The following GRM2 variants were observed in gnomAD, a reference collection of about 807,000 sequenced individuals.
The protein encoded by GRM2 is glutamate metabotropic receptor 2.
In GRM2, 35 loss-of-function variants were observed where a neutral mutation model predicts 60.4. The ratio of observed to expected loss-of-function variants is 0.58; its 90% CI spans 0.44 to 0.77. The LOEUF (loss-of-function observed/expected upper bound fraction) is 0.77. GRM2 is among the 30% of genes least tolerant of loss of function. The pLI, the probability that GRM2 is intolerant of heterozygous loss-of-function variation, is 0.00. For missense variants in GRM2, 925 were observed against 1,199.5 expected, an observed-to-expected ratio of 0.77 and a Z score of 3.38; for synonymous variants, 437 against 484.1, an observed-to-expected ratio of 0.90 and a Z score of 1.28.
rs769218538 is a variant in GRM2 at position 51,715,979 on chromosome 3, G to A, written c.2206G>A (p.Val736Met). ...TATGTTGGGCTCGCTGGCCTACAATGTGCTCCTCATCGCGCTCTGCACGCT... is the reference window on the plus strand; with the variant it reads ...TATGTTGGGCTCGCTGGCCTACAATATGCTCCTCATCGCGCTCTGCACGCT... ...ASMLGSLAYN[V>M]LLIALCTLYA... The change falls in exon 4 of 6, where the codon GTG becomes ATG. Residue 736 changes from valine to methionine, a missense_variant. By Grantham distance (21) the Val-to-Met change is conservative (BLOSUM62 1). Coordinates refer to ENST00000395052, the MANE Select transcript of GRM2 (RefSeq NM_000839.5). The surrounding 1 kb of genome is among the most constrained non-coding windows in gnomAD (Gnocchi z 9.0). 3 of 1,614,180 alleles carry A rather than the reference G, an allele frequency of 1.9e-6. No homozygotes were observed. In the South Asian group the frequency reaches 3.3e-5, roughly 18 times the overall value.
At position 51,715,034 on chromosome 3, in the gene GRM2, C is replaced by A; in HGVS notation, c.1289-28C>A. On this transcript the variant is annotated intron_variant, in intron 3 of 5. Coordinates refer to ENST00000395052, the MANE Select transcript of GRM2 (RefSeq NM_000839.5). The surrounding 1 kb of genome is among the most constrained non-coding windows in gnomAD (Gnocchi z 9.0). The stretch of plus-strand genomic sequence containing the variant: ...CATCAGGGTAACACACTAGTCCAAC[C>A]TTCTCTTCCTTCCCTCCCCCATCCT... 7.0e-7 allele frequency: 1 copy of A among 1,422,012 alleles called. No individual in the cohort carries two copies. The highest frequency in any genetic ancestry group is 9.6e-7 in the Non-Finnish European group (1 of 1,038,512). 88.1% of individuals were successfully genotyped at this position (1,422,012 alleles called of 1,614,324 possible).
chr3:51,708,864 C>A lies in GRM2; in HGVS notation c.-120C>A. 2 of 726,398 alleles carry A rather than the reference C, an allele frequency of 2.8e-6. No individual in the cohort carries two copies. Among genetic ancestry groups the A allele is most frequent in the Non-Finnish European group, 4.3e-6 (2 of 460,638 alleles). 45.0% of individuals were successfully genotyped at this position (726,398 alleles called of 1,614,324 possible). ...TCTCTGCAGGAGCTGGGTCCCTTCG[C>A]ATCTCTCTTCTTGTCTGTCCTTTCC... On this transcript the variant is annotated 5_prime_UTR_variant, in exon 2 of 6. Transcript: ENST00000395052.
rs546631877 is a variant in GRM2 at position 51,712,222 on chromosome 3, G to A, written c.451-251G>A. Among the ~76,000 whole-genome samples the A allele has an allele frequency of 1.3e-5, 2 of 152,244 alleles. No individual in the cohort carries two copies. The highest frequency in any genetic ancestry group is 3.9e-4 in the East Asian group (2 of 5,174). On this transcript the variant is annotated intron_variant, in intron 2 of 5. Coordinates refer to ENST00000395052, the MANE Select transcript of GRM2 (RefSeq NM_000839.5). The surrounding 1 kb of genome is among the most constrained non-coding windows in gnomAD (Gnocchi z 5.3). Reference sequence around the variant, plus strand: ...ATGTGTCTAAAAGGGGATGGCAGAGGGGATCAGGTGTGGCTCATGACCCTG... The same window carrying A: ...ATGTGTCTAAAAGGGGATGGCAGAGAGGATCAGGTGTGGCTCATGACCCTG...
chr3:51,710,553 G>C (rs1448694363), intron 2 of GRM2, among the ~76,000 whole-genome samples: 1 of 152,152 alleles, frequency 6.6e-6, no homozygotes, highest in East Asian at 1.9e-4. Flanking sequence ...ATTGGAGAGG[G>C]GTGGCCAGAT....
chr3:51,712,981 C>T lies in GRM2; in HGVS notation c.959C>T (p.Ala320Val). Residue 320 changes from alanine to valine, a missense_variant, in exon 3 of 6, where the codon GCC becomes GTC. By Grantham distance (64) the Ala-to-Val change is moderately conservative. Coordinates refer to ENST00000395052, the MANE Select transcript of GRM2 (RefSeq NM_000839.5). This position sits in a 1 kb window ranked among gnomAD's most constrained non-coding sequence, Gnocchi z 5.3. ...GAGGGTGCTATCACCATCGAGCTGG[C>T]CTCCTACCCCATCAGTGACTTTGCC... is the stretch of plus-strand genomic sequence containing the variant. ...AAEGAITIEL[A>V]SYPISDFASY... 1.2e-6 allele frequency: 2 copies of T among 1,613,274 alleles called. No homozygotes were observed. Among genetic ancestry groups the T allele is most frequent in the Non-Finnish European group, 1.7e-6 (2 of 1,180,030 alleles).
At position 51,715,639 on chromosome 3, in the gene GRM2, C is replaced by T; in HGVS notation, c.1866C>T (p.Ile622=). The change falls in exon 4 of 6, where the codon ATC becomes ATT. Residue 622 remains isoleucine, a synonymous_variant. Transcript: ENST00000395052. This position sits in a 1 kb window ranked among gnomAD's most constrained non-coding sequence, Gnocchi z 9.0. ...TCCTCTGCTACTGCATGACCTTCAT[C>T]TTCATTGCCAAGCCATCCACGGCAG... is the stretch of plus-strand genomic sequence containing the variant. The part of the protein sequence containing the change: ...GVFLCYCMTF[I]FIAKPSTAVC... 1 of 1,614,260 alleles carries T rather than the reference C, an allele frequency of 6.2e-7. No individual in the cohort carries two copies. The highest frequency in any genetic ancestry group is 1.1e-5 in the South Asian group (1 of 91,082).
rs144973019 is a variant in GRM2 at position 51,718,099 on chromosome 3, C to A, written c.2606C>A (p.Thr869Lys). The A allele has an allele frequency of 1.2e-5, 19 of 1,613,854 alleles. No individual in the cohort carries two copies. Among genetic ancestry groups the A allele is most frequent in the Non-Finnish European group, 1.5e-5 (18 of 1,179,822 alleles). Residue 869 changes from threonine to lysine, a missense_variant, in exon 6 of 6, where the codon ACG becomes AAG. Coordinates refer to ENST00000395052, the MANE Select transcript of GRM2 (RefSeq NM_000839.5). This position sits in a 1 kb window ranked among gnomAD's most constrained non-coding sequence, Gnocchi z 4.2. The stretch of plus-strand genomic sequence containing the variant: ...GGCCGTGAGGTGGTGGACTCGACAA[C>A]GTCATCGCTTTGAAGACCCCATACT... ...CNGREVVDSTTSSL is the reference protein window; with the variant it reads ...CNGREVVDSTKSSL
At chr3:51,709,784 A>C (rs1703642624) in intron 2 of GRM2, among the ~76,000 whole-genome samples, 1 of 6,738 alleles carries the variant, frequency 1.5e-4, no homozygotes, top group Non-Finnish European at 4.0e-4. Flanking sequence ...CACCCCACAC[A>C]CCCACACACA....
rs1703539825 is a variant in GRM2 at position 51,707,139 on chromosome 3, TTC to T, written c.-160_-159del. On this transcript the variant is annotated 5_prime_UTR_variant, in exon 1 of 6. Coordinates refer to ENST00000395052, the MANE Select transcript of GRM2 (RefSeq NM_000839.5). ...CCTCGCGCCCCCCGCTCCACTCCGA[TTC>T]TCTCCGCGCCAGAGCCAGCGCGCCA... The T allele has an allele frequency of 6.6e-6, 1 of 152,298 alleles. No individual in the cohort carries two copies. Among genetic ancestry groups the T allele is most frequent in the Non-Finnish European group, 1.5e-5 (1 of 67,988 alleles). The allele number at this position is 152,298 out of a possible 1,614,324, so 9.4% of individuals were successfully genotyped here.
At position 51,712,955 on chromosome 3, in the gene GRM2, T is replaced by C. The variant is rs1703771332; in HGVS notation, c.933T>C (p.Ala311=). Residue 311 remains alanine, a synonymous_variant, in exon 3 of 6, where the codon GCT becomes GCC. Transcript: ENST00000395052. The surrounding 1 kb of genome is among the most constrained non-coding windows in gnomAD (Gnocchi z 5.3). ...ESVVAGSEGA[A]EGAITIELAS... ...TGGTGGCAGGCAGTGAGGGGGCTGC[T>C]GAGGGTGCTATCACCATCGAGCTGG... The C allele has an allele frequency of 5.0e-6, 8 of 1,613,110 alleles. No individual in the cohort carries two copies. Among genetic ancestry groups the C allele is most frequent in the Non-Finnish European group, 6.8e-6 (8 of 1,180,014 alleles).
In GRM2 at chr3:51,715,745, G is replaced by A. The variant is rs1481691100; in HGVS notation, c.1972G>A (p.Ala658Thr). ...CCTGCTCACCAAGACCAACCGCATT[G>A]CACGCATCTTCGGTGGGGCCCGGGA... is the stretch of plus-strand genomic sequence containing the variant. ...SALLTKTNRI[A>T]RIFGGAREGA... The change falls in exon 4 of 6, where the codon GCA becomes ACA. Residue 658 changes from alanine (A) to threonine (T), a missense_variant. Ala to Thr is a moderately conservative substitution (Grantham distance 58). Transcript: ENST00000395052. This position sits in a 1 kb window ranked among gnomAD's most constrained non-coding sequence, Gnocchi z 9.0. The A allele has an allele frequency of 8.7e-6, 14 of 1,614,018 alleles. 1 individual carries two copies. Among genetic ancestry groups the A allele is most frequent in the Middle Eastern group, 1.6e-4 (1 of 6,062 alleles).
At chr3:51,709,936 T>C (rs1313459101) in intron 2 of GRM2, among the ~76,000 whole-genome samples, 3 of 149,878 alleles carry the variant, frequency 2.0e-5, no homozygotes, top group Non-Finnish European at 4.4e-5. Context: ...TGGCACGTTA[T>C]TTCTCTTTTC....
At chr3:51,709,572 G>A in intron 2 of GRM2, 139 bp downstream of exon 2, 1 of 622,358 alleles carries the variant, frequency 1.6e-6, no homozygotes, top group Non-Finnish European at 2.8e-6. Context: ...TTTTACAGAA[G>A]CTAAGAAAGT....
chr3:51,714,848 G>T, intron 3 of GRM2: 2 of 436,104 alleles, frequency 4.6e-6, no homozygotes, highest in Non-Finnish European at 8.1e-6. Context: ...TAGGGTTGGG[G>T]TTTGATGTTG....
At position 51,717,621 on chromosome 3, in the gene GRM2, C is replaced by CT. The variant is rs764242991; in HGVS notation, c.2365-16_2365-15insT. On this transcript the variant is annotated splice_polypyrimidine_tract_variant and intron_variant, in intron 4 of 5. Transcript: ENST00000395052. This position sits in a 1 kb window ranked among gnomAD's most constrained non-coding sequence, Gnocchi z 6.0. ...AGGTCTTGACCTGTGCTTGTTCACC[C>CT]ACTCACCCACCGCAGGTACAGACCA... The CT allele has an allele frequency of 6.2e-7, 1 of 1,607,082 alleles. No homozygotes were observed. The highest frequency in any genetic ancestry group is 1.1e-5 in the South Asian group (1 of 90,438).
At position 51,717,866 on chromosome 3, in the gene GRM2, G is replaced by A; in HGVS notation, c.2545+49G>A. On this transcript the variant is annotated intron_variant, in intron 5 of 5. Transcript: ENST00000395052. The surrounding 1 kb of genome is among the most constrained non-coding windows in gnomAD (Gnocchi z 6.0). The stretch of plus-strand genomic sequence containing the variant: ...CTGCCTGTTCCCCTCTCCCTGTCCA[G>A]CTCCTTGGGTTGCTGAGATCTCTTG... 6.4e-7 allele frequency: 1 copy of A among 1,566,200 alleles called. No individual in the cohort carries two copies. The highest frequency in any genetic ancestry group is 8.8e-7 in the Non-Finnish European group (1 of 1,138,018).
chr3:51,712,610 T>C lies in GRM2; in HGVS notation c.588T>C (p.Ala196=), dbSNP rs1484105456. The C allele has an allele frequency of 6.8e-6, 11 of 1,613,952 alleles. No homozygotes were observed. The highest frequency in any genetic ancestry group is 9.3e-6 in the Non-Finnish European group (11 of 1,179,870). The part of the protein sequence containing the change: ...PPDFFQAKAM[A]EILRFFNWTY... ...ACTTCTTCCAAGCCAAGGCCATGGC[T>C]GAGATTCTCCGCTTCTTCAACTGGA... The change falls in exon 3 of 6, where the codon GCT becomes GCC. Residue 196 remains alanine (A), a synonymous_variant. Transcript: ENST00000395052. This position sits in a 1 kb window ranked among gnomAD's most constrained non-coding sequence, Gnocchi z 5.3.
Position 51,713,456 on chromosome 3 carries a change from T to C in GRM2, c.1288+146T>C, listed in dbSNP as rs1483128442. ...GGTGGCGTCAGAGCAAGGGCAAGGA[T>C]GCTAGGCAGAGAGGACTCCAACTGA... On this transcript the variant is annotated intron_variant, in intron 3 of 5. Coordinates refer to ENST00000395052, the MANE Select transcript of GRM2 (RefSeq NM_000839.5). This position sits in a 1 kb window ranked among gnomAD's most constrained non-coding sequence, Gnocchi z 4.8. The C allele has an allele frequency of 1.6e-6, 1 of 633,782 alleles. No homozygotes were observed. The highest frequency in any genetic ancestry group is 2.0e-5 in the South Asian group (1 of 50,370). The allele number at this position is 633,782 out of a possible 1,614,324, so 39.3% of individuals were successfully genotyped here. A position where few individuals can be genotyped will look rare whatever the true frequency, so the allele number is the denominator to read the frequency against.
At position 51,709,292 on chromosome 3, in the gene GRM2, G is replaced by A. The variant is rs1357193515; in HGVS notation, c.309G>A (p.Leu103=). 2.5e-6 allele frequency: 4 copies of A among 1,603,852 alleles called. No homozygotes were observed. In the South Asian group the frequency reaches 3.3e-5, roughly 13 times the overall value. ...ACACACATGCGCTGGAGCAGGCACT[G>A]GACTTTGTGCGTGCCTCACTCAGCC... ...SKDTHALEQA[L]DFVRASLSRG... is the part of the protein sequence containing the mutation. The change falls in exon 2 of 6, where the codon CTG becomes CTA. Residue 103 remains leucine, a synonymous_variant. Transcript: ENST00000395052.
Sources: gnomAD v4.1 joint callset for allele counts (sites outside exome capture counted in the v4.1 genomes callset) on GRCh38, gnomAD v4.1.1 for gene constraint, Gnocchi (gnomAD v3.1) non-coding constraint, MANE v1.5 for transcripts, NCBI Gene and HGNC (gene_info 2026-07-23, HGNC 2026-07-21) for gene names.